The following TRUB1 variants were observed in gnomAD, a reference collection of about 807,000 sequenced individuals.
TRUB1 encodes TruB pseudouridine synthase family member 1, also known as pseudouridylate synthase TRUB1.
TRUB1 carries 23 observed loss-of-function variants against 33.9 expected under a neutral mutation model. That is an observed-to-expected ratio of 0.68 (90% CI 0.49 to 0.96). The LOEUF is 0.96. Ranked by LOEUF, TRUB1 falls within the 40% of genes least tolerant of loss-of-function variation. The probability of loss-of-function intolerance (pLI) is 0.00; values close to 1 mark genes in which losing one functional copy is unlikely to be tolerated. For synonymous variants in TRUB1, 163 were observed against 165.4 expected (o/e 0.99, Z 0.11); for missense variants, 378 against 422.2 (o/e 0.90, Z 0.92).
chr10:114,943,246 C>T (rs1262642093), intron 2 of TRUB1, among the ~76,000 whole-genome samples: 1 of 152,048 alleles, frequency 6.6e-6, no homozygotes, highest in Non-Finnish European at 1.5e-5. Flanking sequence ...AAGCTTTGGG[C>T]ACTGGGGCCG....
At chr10:114,953,312 C>A (rs1406900177) in intron 3 of TRUB1, among the ~76,000 whole-genome samples, 1 of 152,058 alleles carries the variant, frequency 6.6e-6, no homozygotes, top group Non-Finnish European at 1.5e-5. Flanking sequence ...GTTACAGAAA[C>A]CTAGTTCTTA....
chr10:114,963,967 G>GTA (rs1491349000), intron 4 of TRUB1, among the ~76,000 whole-genome samples: 1 of 54,844 alleles, frequency 1.8e-5, no homozygotes, highest in African/African-American at 1.3e-4. Context: ...AATATAGGTC[G>GTA]TGTGTGTGTG....
intron 5 of TRUB1, 52 bp downstream of exon 5, chr10:114,970,492 T>C: frequency 7.7e-7 from 1 of 1,303,238 alleles, no homozygotes; most frequent in Non-Finnish European, 1.1e-6. Flanking sequence ...TTTCCAATGG[T>C]TAACATCACT....
chr10:114,967,086 CAG>C (rs545088550), intron 4 of TRUB1, among the ~76,000 whole-genome samples: 67 of 152,278 alleles, frequency 4.4e-4, no homozygotes, highest in Non-Finnish European at 8.2e-4. Context: ...AGAATTTAGT[CAG>C]AGTATCAAGG....
intron 2 of TRUB1, among the ~76,000 whole-genome samples, chr10:114,943,098 C>T (rs749043298): frequency 2.0e-5 from 3 of 152,176 alleles, no homozygotes; most frequent in Non-Finnish European, 4.4e-5. Flanking sequence ...GTGTTCCCAC[C>T]CTTCTCTGTC....
At chr10:114,972,353 T>C (rs2084340801) in intron 6 of TRUB1, 79 bp downstream of exon 6, 1 of 1,425,892 alleles carries the variant, frequency 7.0e-7, no homozygotes. Context: ...GTCATTTTAA[T>C]AGATCCGTAG....
In TRUB1 at chr10:114,938,398, A is replaced by G. The variant is rs563361826; in HGVS notation, c.145A>G (p.Arg49Gly). ...AGCCGCGGTGGTTGCGGCCGCGGCC[A>G]GGACCGGATCCGAAGCCAGGGTCTC... Reference protein sequence around the residue: ...AAAAVVAAAARTGSEARVSKA... With the variant: ...AAAAVVAAAAGTGSEARVSKA... The change falls in exon 1 of 8, where the codon AGG (arginine) becomes GGG (glycine). Residue 49 changes from arginine to glycine, a missense_variant. Coordinates refer to ENST00000298746, the MANE Select transcript of TRUB1 (RefSeq NM_139169.5). 2.7e-5 allele frequency: 43 copies of G among 1,606,098 alleles called. No homozygotes were observed. In the African/African-American group the frequency reaches 5.2e-4, roughly 19 times the overall value.
intron 2 of TRUB1, among the ~76,000 whole-genome samples, chr10:114,950,662 T>C (rs1037047001): frequency 1.3e-4 from 20 of 152,252 alleles, no homozygotes; most frequent in African/African-American, 4.8e-4. Flanking sequence ...TAATCATCTT[T>C]AAATGGTTCA....
At chr10:114,943,621 T>A (rs2084199004) in intron 2 of TRUB1, among the ~76,000 whole-genome samples, 1 of 152,146 alleles carries the variant, frequency 6.6e-6, no homozygotes, top group African/African-American at 2.4e-5. Flanking sequence ...TACCGCTTTT[T>A]TTGTTGTTGG....
chr10:114,938,513 A>G lies in TRUB1; in HGVS notation c.260A>G (p.Asn87Ser). 6.4e-7 allele frequency: 1 copy of G among 1,558,156 alleles called. No individual in the cohort carries two copies. Among genetic ancestry groups the G allele is most frequent in the Non-Finnish European group, 8.7e-7 (1 of 1,155,758 alleles). Residue 87 changes from asparagine (N) to serine (S), a missense_variant, in exon 1 of 8, where the codon AAT becomes AGT. Physicochemically the swap from Asn to Ser is conservative, Grantham distance 46 (BLOSUM62 1). Coordinates refer to ENST00000298746, the MANE Select transcript of TRUB1 (RefSeq NM_139169.5). The stretch of plus-strand genomic sequence containing the variant: ...GGGCCCACTTCAGCCGAGCTGCTGA[A>G]TCGGTTGAAGGAGAAGCTGCTGGCA... ...PKGPTSAELL[N>S]RLKEKLLAEA...
chr10:114,975,331 A>T lies in TRUB1; in HGVS notation c.1002A>T (p.Ile334=). Residue 334 remains isoleucine, a synonymous_variant, in exon 8 of 8, where the codon ATA becomes ATT. Transcript: ENST00000298746. ...SNEQVLSCEY[I]TLNEPKREDD... is the part of the protein sequence containing the mutation. ...AACAGGTTTTGAGCTGTGAATATATAACTCTAAATGAGCCAAAGAGAGAAG... is the reference window on the plus strand; with the variant it reads ...AACAGGTTTTGAGCTGTGAATATATTACTCTAAATGAGCCAAAGAGAGAAG... 6.2e-7 allele frequency: 1 copy of T among 1,610,566 alleles called. No homozygotes were observed. Among genetic ancestry groups the T allele is most frequent in the Non-Finnish European group, 8.5e-7 (1 of 1,178,058 alleles).
chr10:114,948,571 G>A (rs1458440693), intron 2 of TRUB1, among the ~76,000 whole-genome samples: 1 of 152,136 alleles, frequency 6.6e-6, no homozygotes, highest in Non-Finnish European at 1.5e-5. Flanking sequence ...AAAAGCTGCT[G>A]GTTGGCTAGG....
chr10:114,975,361 T>A lies in TRUB1; in HGVS notation c.1032T>A (p.Asp344Glu). The A allele has an allele frequency of 6.3e-7, 1 of 1,588,532 alleles. No homozygotes were observed. Among genetic ancestry groups the A allele is most frequent in the Non-Finnish European group, 8.6e-7 (1 of 1,165,688 alleles). The change falls in exon 8 of 8, where the codon GAT (aspartate) becomes GAA (glutamate). Residue 344 changes from aspartate to glutamate, a missense_variant. By Grantham distance (45) the Asp-to-Glu change is conservative (BLOSUM62 2). Coordinates refer to ENST00000298746, the MANE Select transcript of TRUB1 (RefSeq NM_139169.5). ...ITLNEPKRED[D>E]VIKTC The stretch of plus-strand genomic sequence containing the variant: ...TAAATGAGCCAAAGAGAGAAGATGA[T>A]GTAATTAAGACGTGTTGAGATTGGC...
intron 3 of TRUB1, 138 bp from the exon 4 acceptor site, chr10:114,959,585 AAAC>A: frequency 1.5e-6 from 1 of 656,272 alleles, no homozygotes; most frequent in South Asian, 1.9e-5. Context: ...ATTAAAAACA[AAAC>A]AATTGCAGTC....
At chr10:114,958,730 A>G (rs924409514) in intron 3 of TRUB1, among the ~76,000 whole-genome samples, 3 of 152,252 alleles carry the variant, frequency 2.0e-5, no homozygotes, top group Non-Finnish European at 4.4e-5. Context: ...GAAATAAGAC[A>G]ATCCTCACGT....
chr10:114,953,600 C>A (rs1294485996), intron 3 of TRUB1, among the ~76,000 whole-genome samples: 1 of 151,946 alleles, frequency 6.6e-6, no homozygotes, highest in African/African-American at 2.4e-5. Flanking sequence ...TAGATACATA[C>A]ATTTATGAAA....
chr10:114,958,659 A>G (rs1209485654), intron 3 of TRUB1, among the ~76,000 whole-genome samples: 8 of 152,196 alleles, frequency 5.3e-5, no homozygotes, highest in African/African-American at 1.2e-4. Flanking sequence ...TGATGCCCCA[A>G]ATAAAATTTG....
At position 114,970,358 on chromosome 10, in the gene TRUB1, T is replaced by A; in HGVS notation, c.524-10T>A. 1 of 1,597,508 alleles carries A rather than the reference T, an allele frequency of 6.3e-7. No individual in the cohort carries two copies. Among genetic ancestry groups the A allele is most frequent in the Non-Finnish European group, 8.6e-7 (1 of 1,167,108 alleles). On this transcript the variant is annotated splice_polypyrimidine_tract_variant and intron_variant, in intron 4 of 7. Coordinates refer to ENST00000298746, the MANE Select transcript of TRUB1 (RefSeq NM_139169.5). ...GTTGTTTTAGTGTCTTTTTTGTTGATTTTTGGCAGATAAAATAACACAAGA... is the reference window on the plus strand; with the variant it reads ...GTTGTTTTAGTGTCTTTTTTGTTGAATTTTGGCAGATAAAATAACACAAGA...
At chr10:114,959,864 C>G in intron 4 of TRUB1, 57 bp downstream of exon 4, 1 of 1,055,210 alleles carries the variant, frequency 9.5e-7, no homozygotes, top group South Asian at 1.4e-5. Flanking sequence ...AGTTTCTGTG[C>G]AGGTAGCATT....
Sources: gnomAD v4.1 joint callset for allele counts (sites outside exome capture counted in the v4.1 genomes callset) on GRCh38, gnomAD v4.1.1 for gene constraint, MANE v1.5 for transcripts, NCBI Gene and HGNC (gene_info 2026-07-23, HGNC 2026-07-21) for gene names.